RAB9A: variants seen among roughly 807,000 people sequenced by gnomAD.
RAB9A encodes the protein RAB9A, member RAS oncogene family.
In RAB9A, 1 loss-of-function variant was observed where a neutral mutation model predicts 10.3. That is an observed-to-expected ratio of 0.10 (90% CI 0.03 to 0.46). RAB9A has a LOEUF of 0.46. RAB9A is among the 20% of genes least tolerant of loss of function. RAB9A has a pLI of 0.96. For synonymous variants in RAB9A, 39 were observed against 55.2 expected, an observed-to-expected ratio of 0.71 and a Z score of 1.30; for missense variants, 92 against 150.3, an observed-to-expected ratio of 0.61 and a Z score of 2.03.
chrX:13,694,869 G>T lies in RAB9A; in HGVS notation c.-116+5581G>T, dbSNP rs919143801. Among the ~76,000 whole-genome samples, 3 of 111,864 alleles carry T rather than the reference G, an allele frequency of 2.7e-5. No individual in the cohort carries two copies. In the East Asian group the frequency reaches 8.4e-4, roughly 31 times the overall value. On this transcript the variant is annotated intron_variant, in intron 1 of 2. Transcript: ENST00000464506. Reference sequence around the variant, plus strand: ...TTCCCCCAGAGCTTTGCAGTTTTGGGATGCTACCCTTTTAGTTGCTAAGCT... The same window carrying T: ...TTCCCCCAGAGCTTTGCAGTTTTGGTATGCTACCCTTTTAGTTGCTAAGCT...
chrX:13,706,545 G>A (rs1199290026), intron 2 of RAB9A, among the ~76,000 whole-genome samples: 1 of 108,239 alleles, frequency 9.2e-6, no homozygotes, highest in Non-Finnish European at 1.9e-5. Flanking sequence ...TTGCCACCAC[G>A]TCCAGCTAAT....
intron 2 of RAB9A, among the ~76,000 whole-genome samples, chrX:13,704,571 A>G (rs2046188979): frequency 9.1e-6 from 1 of 109,963 alleles, no homozygotes; most frequent in Non-Finnish European, 1.9e-5. Flanking sequence ...TTAAGGTAAA[A>G]TTTATGACCT....
rs968694716 is a variant in RAB9A, at chrX:13,710,497, G to A, written c.*1145G>A. 8.1e-6 allele frequency: 1 copy of A among 123,009 alleles called. No homozygotes were observed. The highest frequency in any genetic ancestry group is 3.3e-5 in the African/African-American group (1 of 30,677). 10.1% of individuals were successfully genotyped at this position (123,009 alleles called of 1,213,427 possible). On this transcript the variant is annotated 3_prime_UTR_variant, in exon 3 of 3. Coordinates refer to ENST00000464506, the MANE Select transcript of RAB9A (RefSeq NM_004251.5). The stretch of plus-strand genomic sequence containing the variant: ...AAGCAAATTGTGGTCTTTTGTGGAT[G>A]AAGTTCATATGCTGTGTGGTTGGTG...
At chrX:13,692,968 C>T (rs1361220106) in intron 1 of RAB9A, among the ~76,000 whole-genome samples, 3 of 111,976 alleles carry the variant, frequency 2.7e-5, no homozygotes, top group Non-Finnish European at 5.6e-5. Context: ...ACAAAAGTGA[C>T]GTGTTTTATT....
intron 1 of RAB9A, among the ~76,000 whole-genome samples, chrX:13,689,930 A>T (rs1003958298): frequency 1.0e-4 from 11 of 108,902 alleles, no homozygotes; most frequent in African/African-American, 3.7e-4. Flanking sequence ...GAGAAATTTA[A>T]GTGCTGAACT....
rs1214254735 is a variant in RAB9A at position 13,708,992 on chromosome X, C to T, written c.246C>T (p.Cys82=). The T allele has an allele frequency of 2.8e-5, 34 of 1,211,680 alleles. No individual in the cohort carries two copies. Among genetic ancestry groups the T allele is most frequent in the Non-Finnish European group, 3.8e-5 (34 of 895,523 alleles). ...LRTPFYRGSD[C]CLLTFSVDDS... ...CACCATTTTACAGAGGTTCTGACTG[C>T]TGCCTGCTTACTTTTAGTGTCGATG... The change falls in exon 3 of 3, where the codon TGC becomes TGT. Residue 82 remains cysteine (C), a synonymous_variant. Transcript: ENST00000464506.
At chrX:13,701,587 T>C (rs2046173954) in intron 1 of RAB9A, among the ~76,000 whole-genome samples, 2 of 111,249 alleles carry the variant, frequency 1.8e-5, no homozygotes, top group African/African-American at 6.6e-5. Context: ...ATGTTTCACT[T>C]TTATTAGACA....
chrX:13,691,050 A>G (rs769579243), intron 1 of RAB9A, among the ~76,000 whole-genome samples: 2 of 111,669 alleles, frequency 1.8e-5, no homozygotes, highest in East Asian at 5.6e-4. Context: ...GCTGACATCT[A>G]GTGGGTAGAG....
At position 13,710,214 on chromosome X, in the gene RAB9A, TTTTG is replaced by T. The variant is rs779431004; in HGVS notation, c.*865_*868del. 97 of 124,121 alleles carry T rather than the reference TTTTG, an allele frequency of 7.8e-4. No homozygotes were observed. Among genetic ancestry groups the T allele is most frequent in the Admixed American group, 1.5e-3 (16 of 10,640 alleles). The allele number at this position is 124,121 out of a possible 1,213,427, so 10.2% of individuals were successfully genotyped here. On this transcript the variant is annotated 3_prime_UTR_variant, in exon 3 of 3. Coordinates refer to ENST00000464506, the MANE Select transcript of RAB9A (RefSeq NM_004251.5). ...ACAATTCGATTAATGGACTAAATAT[TTTTG>T]TTACTTTCTTGACCCTTGGGGAAAG... is the stretch of plus-strand genomic sequence containing the variant.
At chrX:13,695,799 C>A (rs914090549) in intron 1 of RAB9A, among the ~76,000 whole-genome samples, 1 of 111,342 alleles carries the variant, frequency 9.0e-6, no homozygotes, top group Non-Finnish European at 1.9e-5. Context: ...AGGGAGATAC[C>A]ATCTGGAAAC....
intron 1 of RAB9A, among the ~76,000 whole-genome samples, chrX:13,701,195 A>G (rs1282715868): frequency 9.3e-6 from 1 of 107,324 alleles, no homozygotes; most frequent in Non-Finnish European, 1.9e-5. Context: ...CCCCATACCC[A>G]TTAGCAGTCC....
chrX:13,709,184 C>T lies in RAB9A; in HGVS notation c.438C>T (p.Gly146=), dbSNP rs1185063891. Residue 146 remains glycine (G), a synonymous_variant, in exon 3 of 3, where the codon GGC becomes GGT. Coordinates refer to ENST00000464506, the MANE Select transcript of RAB9A (RefSeq NM_004251.5). The part of the protein sequence containing the change: ...EEAQAWCRDN[G]DYPYFETSAK... Reference sequence around the variant, plus strand: ...CCCAAGCTTGGTGCAGGGACAACGGCGACTATCCTTATTTTGAAACAAGTG... The same window carrying T: ...CCCAAGCTTGGTGCAGGGACAACGGTGACTATCCTTATTTTGAAACAAGTG... 8.3e-6 allele frequency: 10 copies of T among 1,211,531 alleles called. No homozygotes were observed. The highest frequency in any genetic ancestry group is 3.5e-5 in the African/African-American group (2 of 57,722).
chrX:13,696,553 G>A (rs2046148850), intron 1 of RAB9A, among the ~76,000 whole-genome samples: 1 of 112,502 alleles, frequency 8.9e-6, no homozygotes, highest in African/African-American at 3.2e-5. Context: ...CAAACTTGCA[G>A]GTGTTTTCTA....
chrX:13,700,927 A>G lies in RAB9A; in HGVS notation c.-115-2887A>G, dbSNP rs530556043. On this transcript the variant is annotated intron_variant, in intron 1 of 2. Transcript: ENST00000464506. ...GCTGGGACTACAGGCATGCGCCACCATGTCCAGCTAATTTTTGTATTTTTT... is the reference window on the plus strand; with the variant it reads ...GCTGGGACTACAGGCATGCGCCACCGTGTCCAGCTAATTTTTGTATTTTTT... Among the ~76,000 whole-genome samples, 8 of 110,988 alleles carry G rather than the reference A, an allele frequency of 7.2e-5. No individual in the cohort carries two copies. In the South Asian group the frequency reaches 3.1e-3, roughly 43 times the overall value.
intron 2 of RAB9A, among the ~76,000 whole-genome samples, chrX:13,707,840 A>G (rs1301354584): frequency 8.9e-6 from 1 of 112,211 alleles, no homozygotes; most frequent in Non-Finnish European, 1.9e-5. Flanking sequence ...AATAAAGTCC[A>G]TTTACTCAGT....
chrX:13,696,645 T>G (rs1292497609), intron 1 of RAB9A, among the ~76,000 whole-genome samples: 1 of 112,016 alleles, frequency 8.9e-6, no homozygotes, highest in East Asian at 2.8e-4. Context: ...GGCATTCAGA[T>G]GAGGACTGAG....
At chrX:13,704,771 C>T (rs1177520953) in intron 2 of RAB9A, among the ~76,000 whole-genome samples, 5 of 110,284 alleles carry the variant, frequency 4.5e-5, no homozygotes, top group African/African-American at 6.6e-5. Flanking sequence ...TGTGCTACCA[C>T]GCCCGGCTAA....
chrX:13,708,159 C>CA (rs1341798147), intron 2 of RAB9A, among the ~76,000 whole-genome samples: 3 of 109,920 alleles, frequency 2.7e-5, no homozygotes, highest in African/African-American at 9.9e-5. Flanking sequence ...CCTGTCTCTA[C>CA]AAAAAAATAG....
chrX:13,692,856 A>G (rs1415957364), intron 1 of RAB9A, among the ~76,000 whole-genome samples: 1 of 112,425 alleles, frequency 8.9e-6, no homozygotes, highest in Non-Finnish European at 1.9e-5. Context: ...TTGCTGATGA[A>G]TAGATTTCTC....
Sources: allele counts gnomAD v4.1 joint callset (sites outside exome capture counted in the v4.1 genomes callset), GRCh38; gene constraint gnomAD v4.1.1; transcripts MANE v1.5; gene names NCBI Gene and HGNC (gene_info 2026-07-23, HGNC 2026-07-21).